The following MYRF variants were observed in gnomAD, a reference collection of about 807,000 sequenced individuals.
The protein encoded by MYRF is myelin regulatory factor, also known as myelin gene regulatory factor.
In MYRF, 16 loss-of-function variants were observed where a neutral mutation model predicts 126.3. That is an observed-to-expected ratio of 0.13 (90% CI 0.09 to 0.19). The LOEUF (loss-of-function observed/expected upper bound fraction) is 0.19. Among genes scored for constraint, MYRF ranks in the 10% least tolerant of loss-of-function variants. MYRF has a pLI of 1.00. For missense variants in MYRF, 1,104 were observed against 1,547.0 expected, an observed-to-expected ratio of 0.71 and a Z score of 4.80; for synonymous variants, 608 against 635.3, an observed-to-expected ratio of 0.96 and a Z score of 0.65.
At position 61,777,851 on chromosome 11, in the gene MYRF, G is replaced by A; in HGVS notation, c.1903+6G>A. 6.4e-7 allele frequency: 1 copy of A among 1,550,868 alleles called. No homozygotes were observed. On this transcript the variant is annotated splice_donor_region_variant and intron_variant, in intron 13 of 26. Transcript: ENST00000278836. This position sits in a 1 kb window ranked among gnomAD's most constrained non-coding sequence, Gnocchi z 8.8. ...GGCCACCGCGCCAGAGACAGGTAGGGACCGGGCTGGTGCGGACTGGGGTCC... is the reference window on the plus strand; with the variant it reads ...GGCCACCGCGCCAGAGACAGGTAGGAACCGGGCTGGTGCGGACTGGGGTCC...
Position 61,770,490 on chromosome 11 carries a change from G to A in MYRF, c.705G>A (p.Gln235=). The A allele has an allele frequency of 1.3e-6, 2 of 1,565,488 alleles. No individual in the cohort carries two copies. The highest frequency in any genetic ancestry group is 1.7e-6 in the Non-Finnish European group (2 of 1,154,900). Residue 235 remains glutamine (Q), a synonymous_variant, in exon 5 of 27, where the codon CAG becomes CAA. Coordinates refer to ENST00000278836, the MANE Select transcript of MYRF (RefSeq NM_001127392.3). The part of the protein sequence containing the change: ...PTDLHHTQQS[Q]MLHQLLQQHG... ...ATCTTCACCACACCCAGCAGTCCCA[G>A]ATGCTGCACCAGCTCCTGCAGCAGC...
chr11:61,752,740 GGGA>G lies in MYRF; in HGVS notation c.-4_-2del. 1 of 1,460,134 alleles carries G rather than the reference GGGA, an allele frequency of 6.8e-7. No individual in the cohort carries two copies. Among genetic ancestry groups the G allele is most frequent in the Non-Finnish European group, 9.0e-7 (1 of 1,110,698 alleles). 90.4% of individuals were successfully genotyped at this position (1,460,134 alleles called of 1,614,324 possible). On this transcript the variant is annotated 5_prime_UTR_variant, in exon 1 of 27. Transcript: ENST00000278836. The stretch of plus-strand genomic sequence containing the variant: ...CGGCTGGAGTGTGCGCCGGGCAGGC[GGGA>G]CATGGAGGTGGTGGACGAGACGGAG...
At chr11:61,755,406 G>A (rs751455273) in intron 1 of MYRF, 3 of 1,608,802 alleles carry the variant, frequency 1.9e-6, no homozygotes, top group Non-Finnish European at 2.5e-6. Flanking sequence ...CCTGCAGAGA[G>A]GGGACCCACC....
chr11:61,756,348 A>G (rs1478535421), intron 1 of MYRF, among the ~76,000 whole-genome samples: 1 of 152,056 alleles, frequency 6.6e-6, no homozygotes, highest in African/African-American at 2.4e-5. Flanking sequence ...CTGCCTCCAG[A>G]GGGCAGGAGG....
chr11:61,760,116 G>T (rs541671447), intron 1 of MYRF, among the ~76,000 whole-genome samples: 1 of 151,984 alleles, frequency 6.6e-6, no homozygotes, highest in African/African-American at 2.4e-5. Flanking sequence ...TTACAGGCAC[G>T]TGCCACCATG....
chr11:61,753,451 A>AC (rs1039913695), intron 1 of MYRF, among the ~76,000 whole-genome samples: 4 of 151,086 alleles, frequency 2.6e-5, no homozygotes, highest in African/African-American at 4.9e-5. Context: ...TGGGGCTGGG[A>AC]CCCCCCTCCC....
chr11:61,758,760 G>C (rs182714826), intron 1 of MYRF, among the ~76,000 whole-genome samples: 3 of 152,346 alleles, frequency 2.0e-5, no homozygotes, highest in Admixed American at 1.3e-4. Context: ...ATCTGACTCT[G>C]CTCCCTAGAA....
chr11:61,781,750 A>G lies in MYRF; in HGVS notation c.2942A>G (p.His981Arg), dbSNP rs150138496. 4.3e-6 allele frequency: 7 copies of G among 1,611,776 alleles called. No individual in the cohort carries two copies. Among genetic ancestry groups the G allele is most frequent in the African/African-American group, 1.3e-5 (1 of 74,848 alleles). The change falls in exon 22 of 27, where the codon CAT becomes CGT. Residue 981 changes from histidine (H) to arginine (R), a missense_variant. Transcript: ENST00000278836. Reference sequence around the variant, plus strand: ...AAGAACAGTCCCAGCCTTGGTTTCCATGGCCGGGCCCGCCGAGGGGCCCTC... The same window carrying G: ...AAGAACAGTCCCAGCCTTGGTTTCCGTGGCCGGGCCCGCCGAGGGGCCCTC... Reference protein sequence around the residue: ...KAKNSPSLGFHGRARRGALQS... With the variant: ...KAKNSPSLGFRGRARRGALQS...
chr11:61,760,455 C>T (rs695186), intron 1 of MYRF, among the ~76,000 whole-genome samples: 31,668 of 152,106 alleles, frequency 0.21, 3,640 homozygotes, highest in Middle Eastern at 0.32. Context: ...GAAGGGATGG[C>T]TGGGGCCGAG....
At chr11:61,761,264 G>GT (rs1555053559) in intron 1 of MYRF, among the ~76,000 whole-genome samples, 1 of 151,584 alleles carries the variant, frequency 6.6e-6, no homozygotes, top group Non-Finnish European at 1.5e-5. Context: ...GCTGGTGGGG[G>GT]GGGGGGCACA....
At chr11:61,772,002 A>G (rs760982379) in intron 7 of MYRF, 50 bp downstream of exon 7, 1 of 1,607,368 alleles carries the variant, frequency 6.2e-7, no homozygotes, top group Non-Finnish European at 8.5e-7. Flanking sequence ...CCACCTTGGG[A>G]CGCCCCAGCC....
intron 7 of MYRF, among the ~76,000 whole-genome samples, chr11:61,772,427 G>A (rs1263593366): frequency 6.6e-6 from 1 of 152,250 alleles, no homozygotes; most frequent in East Asian, 1.9e-4. Context: ...GCCCTGTGGG[G>A]ACCACTCCCC....
chr11:61,770,583 G>GTACCC, intron 5 of MYRF, 58 bp downstream of exon 5: 1 of 1,480,738 alleles, frequency 6.8e-7, no homozygotes, highest in Non-Finnish European at 9.1e-7. Flanking sequence ...GGACCAGGGT[G>GTACCC]GGCAGGGCGG....
At chr11:61,764,067 G>A (rs116633615) in intron 1 of MYRF, among the ~76,000 whole-genome samples, 1,539 of 152,308 alleles carry the variant, frequency 0.01, 20 homozygotes, top group African/African-American at 0.031. Context: ...CGGCCACACC[G>A]CCCTGGACGG....
In MYRF at chr11:61,780,584, G is replaced by A. The variant is rs1308582287; in HGVS notation, c.2406-128G>A. ...TTGGAACATGGGGTAGGAGGAAGGA[G>A]GGCCAGGGCAGGGCCTTGGGCTCTG... On this transcript the variant is annotated intron_variant, in intron 18 of 26. Transcript: ENST00000278836. 14 of 933,264 alleles carry A rather than the reference G, an allele frequency of 1.5e-5. No individual in the cohort carries two copies. In the East Asian group the frequency reaches 2.4e-4, roughly 16 times the overall value. The allele number at this position is 933,264 out of a possible 1,614,324, so 57.8% of individuals were successfully genotyped here.
chr11:61,782,129 T>G, intron 22 of MYRF: 1 of 330,802 alleles, frequency 3.0e-6, no homozygotes, highest in Non-Finnish European at 5.5e-6. Flanking sequence ...GGCTTGTATT[T>G]GATCCCGAGC....
rs768978671 is a variant in MYRF at position 61,784,344 on chromosome 11, G to A, written c.3259G>A (p.Gly1087Arg). 9 of 1,614,036 alleles carry A rather than the reference G, an allele frequency of 5.6e-6. No individual in the cohort carries two copies. Among genetic ancestry groups the A allele is most frequent in the Non-Finnish European group, 7.6e-6 (9 of 1,180,024 alleles). Residue 1087 changes from glycine (G) to arginine (R), a missense_variant, in exon 25 of 27, where the codon GGG becomes AGG. By Grantham distance (125) the Gly-to-Arg change is moderately radical. This residue lies in a region of MYRF where 94 missense variants were observed against 164.6 expected (regional missense o/e 0.57). Transcript: ENST00000278836. ...LRSKEEPCEE[G>R]SLPQSLHTHQ... The stretch of plus-strand genomic sequence containing the variant: ...GTCAAAGGAGGAACCATGTGAGGAG[G>A]GGAGCCTTCCACAGAGTCTCCACAC...
At chr11:61,784,408 G>T in intron 25 of MYRF, 23 bp downstream of exon 25, 1 of 1,595,450 alleles carries the variant, frequency 6.3e-7, no homozygotes, top group Non-Finnish European at 8.6e-7. Flanking sequence ...GGGAAGCTGC[G>T]GGCCGGCCAG....
chr11:61,760,061 C>G (rs746259415), intron 1 of MYRF, among the ~76,000 whole-genome samples: 5 of 151,902 alleles, frequency 3.3e-5, no homozygotes, highest in Admixed American at 3.3e-4. Flanking sequence ...CTCCGCCTCC[C>G]GGTTTCAAGT....
Sources: allele counts gnomAD v4.1 joint callset (sites outside exome capture counted in the v4.1 genomes callset), GRCh38; gene constraint gnomAD v4.1.1; regional missense constraint gnomAD v4.1.1; non-coding constraint Gnocchi (gnomAD v3.1); transcripts MANE v1.5; gene names NCBI Gene and HGNC (gene_info 2026-07-23, HGNC 2026-07-21).